The following MACF1 variants were observed in gnomAD, a reference collection of about 807,000 sequenced individuals.
The protein encoded by MACF1 is microtubule-actin cross-linking factor 1.
In MACF1, 193 loss-of-function variants were observed where a neutral mutation model predicts 854.8. That is an observed-to-expected ratio of 0.23 (90% CI 0.20 to 0.25). The LOEUF (loss-of-function observed/expected upper bound fraction) is 0.25. Ranked by LOEUF, MACF1 falls within the 10% of genes least tolerant of loss-of-function variation. MACF1 has a pLI of 1.00. For synonymous variants in MACF1, 3,185 were observed against 3,226.7 expected (o/e 0.99, Z 0.44); for missense variants, 7,722 against 8,929.1 (o/e 0.86, Z 5.45).
chr1:39,156,514 G>A (rs750118087), intron 2 of MACF1, among the ~76,000 whole-genome samples: 1 of 152,156 alleles, frequency 6.6e-6, no homozygotes, highest in Non-Finnish European at 1.5e-5. Context: ...AGCTACTTGG[G>A]GGGCTGAGGT....
chr1:39,205,736 G>A (rs1644442579), intron 1 of MACF1, among the ~76,000 whole-genome samples: 2 of 152,052 alleles, frequency 1.3e-5, no homozygotes, highest in African/African-American at 4.8e-5. Flanking sequence ...AAATCATCTT[G>A]TTCAATGCAA....
intron 2 of MACF1, among the ~76,000 whole-genome samples, chr1:39,178,656 C>T (rs1352597894): frequency 2.0e-5 from 3 of 152,082 alleles, no homozygotes; most frequent in Admixed American, 6.5e-5. Flanking sequence ...TTTCAGCTGC[C>T]CAGACACCCC....
At chr1:39,197,370 A>G (rs1644332970) in intron 2 of MACF1, among the ~76,000 whole-genome samples, 1 of 152,172 alleles carries the variant, frequency 6.6e-6, no homozygotes, top group South Asian at 2.1e-4. Context: ...GTCTTCTCTA[A>G]TAATAAATGT....
rs940467187 is a variant in MACF1 at position 39,255,760 on chromosome 1, G to A, written c.435+1385G>A. Among the ~76,000 whole-genome samples, 27 of 152,224 alleles carry A rather than the reference G, an allele frequency of 1.8e-4. 1 individual carries two copies. The highest frequency in any genetic ancestry group is 3.4e-4 in the Non-Finnish European group (23 of 68,034). ...AAATTGATAAATAAAAGTGGTAGAA[G>A]TGGAGGTTGCTGAAGTGTTTAGGGT... On this transcript the variant is annotated intron_variant, in intron 5 of 100. Transcript: ENST00000564288.
At chr1:39,395,404 A>G (rs1642232002) in intron 58 of MACF1, among the ~76,000 whole-genome samples, 1 of 152,074 alleles carries the variant, frequency 6.6e-6, no homozygotes, top group Non-Finnish European at 1.5e-5. Context: ...GGCAACAACC[A>G]CTTCTAAGTC....
chr1:39,413,991 C>T (rs1302164029), intron 58 of MACF1: 1 of 1,608,136 alleles, frequency 6.2e-7, no homozygotes, highest in Non-Finnish European at 8.5e-7. Context: ...AGGAGCCCAC[C>T]TCCCCAGCAG....
chr1:39,225,227 T>TTTTTTTTTTA (rs1250730946), intron 1 of MACF1, among the ~76,000 whole-genome samples: 6 of 147,052 alleles, frequency 4.1e-5, no homozygotes, highest in Non-Finnish European at 7.5e-5. Context: ...CTTTTTTTTT[T>TTTTTTTTTTA]GAGACGGAGT....
At chr1:39,471,902 A>G (rs75167653) in intron 97 of MACF1, among the ~76,000 whole-genome samples, 3 of 152,302 alleles carry the variant, frequency 2.0e-5, no homozygotes, top group African/African-American at 7.2e-5. Flanking sequence ...TATTTGTGTC[A>G]TACTACCGTC....
chr1:39,172,778 A>G (rs756660739), intron 2 of MACF1, among the ~76,000 whole-genome samples: 6 of 152,214 alleles, frequency 3.9e-5, no homozygotes, highest in Non-Finnish European at 8.8e-5. Flanking sequence ...GACTGAGTAT[A>G]AAAGCTTCAG....
intron 1 of MACF1, among the ~76,000 whole-genome samples, chr1:39,228,920 C>T (rs1644748081): frequency 6.6e-6 from 1 of 152,218 alleles, no homozygotes; most frequent in Admixed American, 6.5e-5. Context: ...TCCCAAAGTG[C>T]TGGGATTACA....
intron 95 of MACF1, among the ~76,000 whole-genome samples, chr1:39,466,478 T>C (rs1049110864): frequency 2.6e-5 from 4 of 152,244 alleles, no homozygotes; most frequent in Non-Finnish European, 4.4e-5. Flanking sequence ...TGATAAATTA[T>C]AGTACACAGT....
Position 39,387,805 on chromosome 1 carries a change from A to G in MACF1, c.14963A>G (p.Asn4988Ser). Reference sequence around the variant, plus strand: ...ATCCGGGATGAGAAGGCTGGGATCAACCAGAACATGGATGCTGTTACAGAA... The same window carrying G: ...ATCCGGGATGAGAAGGCTGGGATCAGCCAGAACATGGATGCTGTTACAGAA... The part of the protein sequence containing the change: ...DGIRDEKAGI[N>S]QNMDAVTEEL... Residue 4988 changes from asparagine (N) to serine (S), a missense_variant, in exon 58 of 101, where the codon AAC becomes AGC. By Grantham distance (46) the Asn-to-Ser change is conservative. Transcript: ENST00000564288. 1 of 1,614,180 alleles carries G rather than the reference A, an allele frequency of 6.2e-7. No homozygotes were observed. Among genetic ancestry groups the G allele is most frequent in the South Asian group, 1.1e-5 (1 of 91,084 alleles).
intron 83 of MACF1, 151 bp downstream of exon 83, chr1:39,448,303 T>A: frequency 1.1e-6 from 1 of 887,566 alleles, no homozygotes. Context: ...ATTTTATATC[T>A]AGATGGTCTA....
rs534333260 is a variant in MACF1 at position 39,250,631 on chromosome 1, A to G, written c.261+528A>G. On this transcript the variant is annotated intron_variant, in intron 3 of 100. Transcript: ENST00000564288. ...CCTTCTGTGATTCATTGAGTCTTAC[A>G]GATTTGGAGAGCTGCCAAAGTTGTC... Among the ~76,000 whole-genome samples the G allele has an allele frequency of 3.3e-5, 5 of 152,192 alleles. 1 individual carries two copies. The highest frequency in any genetic ancestry group is 7.3e-5 in the Non-Finnish European group (5 of 68,036).
intron 52 of MACF1, among the ~76,000 whole-genome samples, chr1:39,374,522 C>A (rs893295036): frequency 4.6e-5 from 7 of 152,148 alleles, no homozygotes; most frequent in African/African-American, 1.7e-4. Context: ...AAATCAGAGT[C>A]AGCAAACTTT....
intron 67 of MACF1, 46 bp from the exon 68 acceptor site, chr1:39,433,002 A>G: frequency 4.1e-6 from 5 of 1,225,002 alleles, no homozygotes; most frequent in Admixed American, 2.0e-5. Context: ...TAGTAATAAC[A>G]GGAAAAGGGT....
At chr1:39,122,255 C>CTT (rs138256170) in intron 2 of MACF1, among the ~76,000 whole-genome samples, 91 of 135,894 alleles carry the variant, frequency 6.7e-4, no homozygotes, top group African/African-American at 2.1e-3. Context: ...TGGTAATATT[C>CTT]TTTTTTTTTT....
chr1:39,403,981 T>C (rs904677667), intron 58 of MACF1, among the ~76,000 whole-genome samples: 1 of 151,776 alleles, frequency 6.6e-6, no homozygotes, highest in African/African-American at 2.4e-5. Flanking sequence ...ATAGAAAAAT[T>C]AGCCAGGTGT....
At chr1:39,135,202 G>A (rs1643133097) in intron 2 of MACF1, among the ~76,000 whole-genome samples, 1 of 151,938 alleles carries the variant, frequency 6.6e-6, no homozygotes, top group South Asian at 2.1e-4. Flanking sequence ...TGGATACTTG[G>A]CTTGCTAATA....
Sources: gnomAD v4.1 joint callset for allele counts (sites outside exome capture counted in the v4.1 genomes callset) on GRCh38, gnomAD v4.1.1 for gene constraint, MANE v1.5 for transcripts, NCBI Gene and HGNC (gene_info 2026-07-23, HGNC 2026-07-21) for gene names.